Variants in CNTNAP2 observed in about 807,000 individuals in gnomAD.
The protein encoded by CNTNAP2 is contactin associated protein 2, also known as contactin-associated protein-like 2.
CNTNAP2 carries 98 observed loss-of-function variants against 155.2 expected under a neutral mutation model. The ratio of observed to expected loss-of-function variants is 0.63; its 90% CI spans 0.54 to 0.75. CNTNAP2 has a LOEUF of 0.75. Ranked by LOEUF, CNTNAP2 falls within the 30% of genes least tolerant of loss-of-function variation. The pLI is 0.00. For synonymous variants in CNTNAP2, 651 were observed against 631.2 expected (o/e 1.03, Z -0.47); for missense variants, 1,727 against 1,688.1 (o/e 1.02, Z -0.40).
rs146024109 is a variant in CNTNAP2, at chr7:146,466,576, A to G, written c.98-307695A>G. ...CCTTTTCCCAAATTCCCTTTCCTTT[A>G]TTCATTTGGACAGCTTTCCCCAACA... is the stretch of plus-strand genomic sequence containing the variant. On this transcript the variant is annotated intron_variant, in intron 1 of 23. Coordinates refer to ENST00000361727, the MANE Select transcript of CNTNAP2 (RefSeq NM_014141.6). 1.6e-4 allele frequency among the ~76,000 whole-genome samples: 24 copies of G among 152,132 alleles called. No individual in the cohort carries two copies. In the East Asian group the frequency reaches 4.1e-3, roughly 26 times the overall value.
chr7:147,308,034 GA>G (rs1180601510), intron 9 of CNTNAP2, among the ~76,000 whole-genome samples: 1 of 152,150 alleles, frequency 6.6e-6, no homozygotes, highest in Non-Finnish European at 1.5e-5. Flanking sequence ...GAGGGGACAG[GA>G]AGTTCTTGGG....
At chr7:148,373,232 C>A (rs576872233) in intron 21 of CNTNAP2, among the ~76,000 whole-genome samples, 26 of 152,164 alleles carry the variant, frequency 1.7e-4, no homozygotes, top group Non-Finnish European at 3.5e-4. Context: ...CTGAGGCAAG[C>A]AGATCATGAG....
chr7:148,122,167 C>A (rs901229845), intron 16 of CNTNAP2, among the ~76,000 whole-genome samples: 1 of 152,186 alleles, frequency 6.6e-6, no homozygotes, highest in African/African-American at 2.4e-5. Flanking sequence ...AACTGAGGCA[C>A]AGGGTGAGCA....
chr7:146,857,476 A>G (rs1294779268), intron 3 of CNTNAP2, among the ~76,000 whole-genome samples: 1 of 152,226 alleles, frequency 6.6e-6, no homozygotes, highest in East Asian at 1.9e-4. Context: ...ATGTGAGTAT[A>G]TAAATAAACA....
intron 11 of CNTNAP2, among the ~76,000 whole-genome samples, chr7:147,541,236 G>C (rs1462810985): frequency 6.6e-6 from 1 of 152,154 alleles, no homozygotes. Flanking sequence ...TAATGCAGTG[G>C]CTAGGAACAG....
At chr7:147,269,977 G>A (rs1804705043) in intron 8 of CNTNAP2, among the ~76,000 whole-genome samples, 2 of 152,146 alleles carry the variant, frequency 1.3e-5, no homozygotes, top group African/African-American at 4.8e-5. Flanking sequence ...TGGAAGAATA[G>A]CTTGAGCCTA....
At chr7:146,645,996 A>T (rs1157249418) in intron 1 of CNTNAP2, among the ~76,000 whole-genome samples, 2 of 152,190 alleles carry the variant, frequency 1.3e-5, no homozygotes, top group African/African-American at 4.8e-5. Context: ...AAAGTCACAT[A>T]TGTCACTGTT....
intron 1 of CNTNAP2, among the ~76,000 whole-genome samples, chr7:146,425,369 AAAGTT>A (rs1340892726): frequency 6.6e-6 from 1 of 152,210 alleles, no homozygotes; most frequent in Non-Finnish European, 1.5e-5. Context: ...GAAAATGCCC[AAAGTT>A]ATTTTCCTTT....
intron 13 of CNTNAP2, among the ~76,000 whole-genome samples, chr7:147,746,275 G>C (rs139401131): frequency 8.5e-5 from 13 of 152,280 alleles, no homozygotes; most frequent in African/African-American, 3.1e-4. Context: ...AAAGATACCA[G>C]ATTTACCAAC....
intron 1 of CNTNAP2, among the ~76,000 whole-genome samples, chr7:146,504,510 T>C (rs2129133913): frequency 6.6e-6 from 1 of 152,300 alleles, no homozygotes; most frequent in Non-Finnish European, 1.5e-5. Context: ...GCACTACCAC[T>C]TTCCTGGTTT....
intron 18 of CNTNAP2, 70 bp downstream of exon 18, chr7:148,172,548 T>C: frequency 7.6e-7 from 1 of 1,313,506 alleles, no homozygotes; most frequent in Non-Finnish European, 1.1e-6. Flanking sequence ...ATTTAATGAT[T>C]TTTCATATGT....
intron 1 of CNTNAP2, among the ~76,000 whole-genome samples, chr7:146,522,004 T>C (rs977795267): frequency 2.0e-5 from 3 of 151,662 alleles, no homozygotes; most frequent in Non-Finnish European, 4.4e-5. Flanking sequence ...AATGCAATTC[T>C]CAGTCATTTT....
intron 1 of CNTNAP2, among the ~76,000 whole-genome samples, chr7:146,269,171 C>T (rs1401717537): frequency 6.6e-6 from 1 of 152,076 alleles, no homozygotes; most frequent in Admixed American, 6.5e-5. Flanking sequence ...CAAACCCCGT[C>T]TCTACTAAAA....
At chr7:146,897,499 G>A (rs1013517069) in intron 3 of CNTNAP2, among the ~76,000 whole-genome samples, 7 of 152,052 alleles carry the variant, frequency 4.6e-5, no homozygotes, top group East Asian at 3.9e-4. Context: ...ACCAGCTCGA[G>A]ACCTACGTTG....
intron 17 of CNTNAP2, among the ~76,000 whole-genome samples, chr7:148,165,767 C>A (rs746910498): frequency 2.6e-5 from 4 of 152,208 alleles, no homozygotes; most frequent in Admixed American, 6.5e-5. Context: ...TCCCATACAT[C>A]AAATTGTGCC....
intron 1 of CNTNAP2, among the ~76,000 whole-genome samples, chr7:146,368,548 C>G (rs907520637): frequency 6.6e-6 from 1 of 152,002 alleles, no homozygotes; most frequent in Non-Finnish European, 1.5e-5. Flanking sequence ...CATAATAAAG[C>G]CTTCCCTTGT....
rs1797093703 is a variant in CNTNAP2 at position 146,488,614 on chromosome 7, T to A, written c.98-285657T>A. ...GCTCTTAAAACAGAAGTTTTGTTTG[T>A]TTCTGTTTTTTGTTTTGTTTTGTTT... On this transcript the variant is annotated intron_variant, in intron 1 of 23. Coordinates refer to ENST00000361727, the MANE Select transcript of CNTNAP2 (RefSeq NM_014141.6). Among the ~76,000 whole-genome samples, 3 of 151,950 alleles carry A rather than the reference T, an allele frequency of 2.0e-5. No homozygotes were observed. The South Asian group carries it at 6.2e-4, about 32-fold the overall frequency.
At chr7:148,238,342 C>T (rs1484292466) in intron 20 of CNTNAP2, among the ~76,000 whole-genome samples, 1 of 151,846 alleles carries the variant, frequency 6.6e-6, no homozygotes, top group Admixed American at 6.6e-5. Flanking sequence ...AGCGAAACTC[C>T]ATCTCAAAAA....
chr7:148,338,819 G>C (rs948995409), intron 21 of CNTNAP2, among the ~76,000 whole-genome samples: 2 of 152,166 alleles, frequency 1.3e-5, no homozygotes, highest in African/African-American at 4.8e-5. Flanking sequence ...AGTGAGAGAA[G>C]AAGACGGAGA....
Sources: allele counts gnomAD v4.1 joint callset (sites outside exome capture counted in the v4.1 genomes callset), GRCh38; gene constraint gnomAD v4.1.1; transcripts MANE v1.5; gene names NCBI Gene and HGNC (gene_info 2026-07-23, HGNC 2026-07-21).